The following LIMS1 variants were observed in gnomAD, a reference collection of about 807,000 sequenced individuals.
LIMS1 encodes the protein LIM zinc finger domain containing 1, also known as LIM and senescent cell antigen-like-containing domain protein 1.
LIMS1 carries 18 observed loss-of-function variants against 44.1 expected under a neutral mutation model. That is an observed-to-expected ratio of 0.41 (90% CI 0.28 to 0.61). LIMS1 has a LOEUF of 0.61. Ranked by LOEUF, LIMS1 falls within the 20% of genes least tolerant of loss-of-function variation. The pLI, the probability that LIMS1 is intolerant of heterozygous loss-of-function variation, is 0.32. For synonymous variants in LIMS1, 93 were observed against 149.1 expected, an observed-to-expected ratio of 0.62 and a Z score of 2.74; for missense variants, 201 against 422.0, an observed-to-expected ratio of 0.48 and a Z score of 4.59.
intron 5 of LIMS1, among the ~76,000 whole-genome samples, chr2:108,674,518 C>G (rs1175724968): frequency 6.6e-6 from 1 of 151,308 alleles, no homozygotes; most frequent in African/African-American, 2.4e-5. Context: ...GTCAGGAGAT[C>G]GAGACCATCC....
rs758783196 is a variant in LIMS1, at chr2:108,612,362, C to T, written c.33-47243C>T. Among the ~76,000 whole-genome samples the T allele has an allele frequency of 1.1e-4, 17 of 152,064 alleles. No individual in the cohort carries two copies. In the East Asian group the frequency reaches 1.2e-3, roughly 10 times the overall value. On this transcript the variant is annotated intron_variant, in intron 1 of 9. Coordinates refer to ENST00000544547, the Ensembl canonical transcript of LIMS1. Reference sequence around the variant, plus strand: ...TCATCAGTGCCTCTTCATACACCCACGCTCTCCTGAAGTTTGCTGTTTGTA... The same window carrying T: ...TCATCAGTGCCTCTTCATACACCCATGCTCTCCTGAAGTTTGCTGTTTGTA...
chr2:108,665,792 G>C (rs2148983988), intron 2 of LIMS1, among the ~76,000 whole-genome samples: 1 of 152,020 alleles, frequency 6.6e-6, no homozygotes, highest in East Asian at 1.9e-4. Flanking sequence ...CCAAAGTGCT[G>C]AGATTACAGG....
chr2:108,667,365 G>A (rs1691830599), intron 2 of LIMS1, among the ~76,000 whole-genome samples: 1 of 152,052 alleles, frequency 6.6e-6, no homozygotes, highest in Non-Finnish European at 1.5e-5. Flanking sequence ...AAGAGGTTAA[G>A]CAACTTGCCC....
At chr2:108,586,713 G>A (rs775880825) in intron 1 of LIMS1, among the ~76,000 whole-genome samples, 5 of 152,174 alleles carry the variant, frequency 3.3e-5, no homozygotes, top group Non-Finnish European at 7.3e-5. Flanking sequence ...TTTAACTGCA[G>A]CATCACGAGC....
At chr2:108,670,286 A>G (rs1573605169) in intron 2 of LIMS1, among the ~76,000 whole-genome samples, 3 of 152,106 alleles carry the variant, frequency 2.0e-5, no homozygotes, top group African/African-American at 7.2e-5. Context: ...GGAGTCCAAG[A>G]ACTAGCCTAG....
intron 1 of LIMS1, among the ~76,000 whole-genome samples, chr2:108,579,606 A>G (rs186347547): frequency 6.6e-6 from 1 of 152,216 alleles, no homozygotes; most frequent in East Asian, 1.9e-4. Context: ...AGAGAAATAC[A>G]TTTATTTTTA....
At chr2:108,570,715 G>T (rs1352947685) in intron 1 of LIMS1, among the ~76,000 whole-genome samples, 1 of 152,154 alleles carries the variant, frequency 6.6e-6, no homozygotes, top group Non-Finnish European at 1.5e-5. Context: ...GGAGAAGAGC[G>T]GGAGGAGTTA....
intron 9 of LIMS1, among the ~76,000 whole-genome samples, chr2:108,682,656 T>G (rs749163114): frequency 9.9e-5 from 15 of 152,278 alleles, no homozygotes; most frequent in Non-Finnish European, 1.8e-4. Flanking sequence ...TAATTCCCAG[T>G]GTAGTGTTTT....
chr2:108,595,414 A>G (rs2104699531), intron 1 of LIMS1, among the ~76,000 whole-genome samples: 1 of 152,298 alleles, frequency 6.6e-6, no homozygotes, highest in Non-Finnish European at 1.5e-5. Flanking sequence ...CCAGACCAAG[A>G]TAAATGATGG....
intron 5 of LIMS1, chr2:108,673,928 T>C (rs1430133249): frequency 1.3e-5 from 2 of 152,254 alleles, no homozygotes; most frequent in African/African-American, 4.8e-5. Context: ...TTGGCTTGGT[T>C]TATATCTAAA....
chr2:108,640,860 A>G (rs969730790), intron 1 of LIMS1, among the ~76,000 whole-genome samples: 38 of 152,170 alleles, frequency 2.5e-4, no homozygotes, highest in Admixed American at 6.5e-4. Context: ...GTCACCCTAC[A>G]GTGCTGAGGA....
chr2:108,557,991 A>T (rs776339130), intron 1 of LIMS1, among the ~76,000 whole-genome samples: 1 of 152,236 alleles, frequency 6.6e-6, no homozygotes, highest in South Asian at 2.1e-4. Flanking sequence ...GAAATTATGG[A>T]TATAAAATAC....
intron 1 of LIMS1, among the ~76,000 whole-genome samples, chr2:108,597,947 C>A (rs1256674302): frequency 6.6e-6 from 1 of 152,116 alleles, no homozygotes; most frequent in Admixed American, 6.5e-5. Context: ...CCGCCTCAGC[C>A]TCCCAAAGTG....
intron 1 of LIMS1, among the ~76,000 whole-genome samples, chr2:108,564,614 ACT>A (rs1685232961): frequency 6.6e-6 from 1 of 151,914 alleles, no homozygotes; most frequent in South Asian, 2.1e-4. Context: ...CACAATTCAA[ACT>A]CAGTTGTACT....
chr2:108,611,921 A>T (rs965694474), intron 1 of LIMS1, among the ~76,000 whole-genome samples: 1 of 82,254 alleles, frequency 1.2e-5, no homozygotes, highest in Non-Finnish European at 2.7e-5. Flanking sequence ...ACACATATAA[A>T]ATATATATAT....
At chr2:108,669,028 G>A (rs760487227) in intron 2 of LIMS1, among the ~76,000 whole-genome samples, 1 of 152,116 alleles carries the variant, frequency 6.6e-6, no homozygotes, top group Admixed American at 6.6e-5. Flanking sequence ...GAGCCCAAGC[G>A]TTCAAGACAA....
chr2:108,543,694 G>A (rs2104573440), intron 1 of LIMS1, among the ~76,000 whole-genome samples: 1 of 152,258 alleles, frequency 6.6e-6, no homozygotes, highest in Admixed American at 6.5e-5. Flanking sequence ...ATTAAAAGAA[G>A]TTAATCACTT....
chr2:108,619,915 TTTTTGTATACCC>T (rs1321152842), intron 1 of LIMS1, among the ~76,000 whole-genome samples: 1 of 152,212 alleles, frequency 6.6e-6, no homozygotes, highest in Non-Finnish European at 1.5e-5. Context: ...TATTACCGGT[TTTTTGTATACCC>T]TCCCGGAGAC....
chr2:108,665,909 G>A (rs1691723524), intron 2 of LIMS1, among the ~76,000 whole-genome samples: 5 of 152,222 alleles, frequency 3.3e-5, no homozygotes, highest in Admixed American at 3.3e-4. Flanking sequence ...AGCTCTGGGA[G>A]AGCAAAGCAA....
Sources: gnomAD v4.1 joint callset for allele counts (sites outside exome capture counted in the v4.1 genomes callset) on GRCh38, gnomAD v4.1.1 for gene constraint, MANE v1.5 for transcripts, NCBI Gene and HGNC (gene_info 2026-07-23, HGNC 2026-07-21) for gene names.